Variants in XIST observed in about 807,000 individuals in gnomAD.
XIST encodes the protein X inactive specific transcript (non-protein coding).
chrX:73,822,040 G>A lies in XIST; in HGVS notation n.17861C>T. 2 of 558,317 alleles carry A rather than the reference G, an allele frequency of 3.6e-6. No individual in the cohort carries two copies. The highest frequency in any genetic ancestry group is 6.5e-6 in the Non-Finnish European group (2 of 309,044). The allele number at this position is 558,317 out of a possible 1,213,427, so 46.0% of individuals were successfully genotyped here. A position where few individuals can be genotyped will look rare whatever the true frequency, so the allele number is the denominator to read the frequency against. On this transcript the variant is annotated non_coding_transcript_exon_variant, in exon 6 of 6. Coordinates refer to ENST00000429829, the Ensembl canonical transcript of XIST. ...AGGCAGTGTATGTATGTGTCAGCATGTAAAAAGTAAAGAACTGAAAATAGA... is the reference window on the plus strand; with the variant it reads ...AGGCAGTGTATGTATGTGTCAGCATATAAAAAGTAAAGAACTGAAAATAGA...
exon 6 of XIST, chrX:73,820,729 G>A: frequency 1.8e-6 from 1 of 556,856 alleles, no homozygotes; most frequent in South Asian, 2.3e-5. Context: ...CATCTAGATG[G>A]CTTAAGATTA....
chrX:73,825,187 T>A, exon 6 of XIST: 1 of 552,393 alleles, frequency 1.8e-6, no homozygotes, highest in Admixed American at 2.3e-5. Flanking sequence ...TATTTTAAAG[T>A]TTAAAAGCAG....
At chrX:73,841,254 A>G in intron 1 of XIST, 3 of 406,288 alleles carry the variant, frequency 7.4e-6, no homozygotes, top group Non-Finnish European at 8.5e-6. Context: ...CTATATATAT[A>G]TATTGCAGAT....
intron 3 of XIST, among the ~76,000 whole-genome samples, chrX:73,831,634 A>AG (rs929546815): frequency 2.7e-5 from 3 of 111,381 alleles, no homozygotes; most frequent in African/African-American, 6.5e-5. Context: ...AAAATATAGT[A>AG]GGGGGGTCAA....
exon 1 of XIST, chrX:73,846,995 A>G (rs780170309): frequency 3.6e-6 from 2 of 559,320 alleles, no homozygotes; most frequent in Non-Finnish European, 6.5e-6. Flanking sequence ...CTCTGCTTTG[A>G]TAAGTACAGG....
chrX:73,832,890 T>C (rs184176158), intron 3 of XIST, among the ~76,000 whole-genome samples: 4 of 111,131 alleles, frequency 3.6e-5, no homozygotes, highest in African/African-American at 1.3e-4. Flanking sequence ...TCTGCTTTTC[T>C]TTCTTTTTAA....
At chrX:73,848,108 G>A (rs1922820658) in exon 1 of XIST, 1 of 558,860 alleles carries the variant, frequency 1.8e-6, no homozygotes, top group East Asian at 3.2e-5. Flanking sequence ...AAATGTCCTT[G>A]TGATTAGCAC....
chrX:73,841,205 T>C (rs1487374023), intron 1 of XIST: 1 of 336,436 alleles, frequency 3.0e-6, no homozygotes, highest in Non-Finnish European at 5.1e-6. Context: ...AACTCACATA[T>C]GTGTATTTAT....
exon 6 of XIST, chrX:73,821,038 G>C (rs1444197399): frequency 1.8e-6 from 1 of 558,992 alleles, no homozygotes; most frequent in South Asian, 2.2e-5. Flanking sequence ...AACTGTGAAA[G>C]GAAGGCTTTT....
chrX:73,836,121 T>C (rs182964061), intron 2 of XIST, among the ~76,000 whole-genome samples: 245 of 111,146 alleles, frequency 2.2e-3, no homozygotes, highest in African/African-American at 7.7e-3. Context: ...CCACCTCCAG[T>C]GTTCTCAGGG....
chrX:73,844,258 G>A (rs1232232960), exon 1 of XIST: 1 of 559,195 alleles, frequency 1.8e-6, no homozygotes, highest in Admixed American at 2.2e-5. Flanking sequence ...GATGAACCAT[G>A]TGGTGATTAC....
exon 6 of XIST, chrX:73,827,457 T>C (rs192417232): frequency 5.6e-5 from 30 of 537,655 alleles, no homozygotes; most frequent in South Asian, 5.4e-4. Flanking sequence ...AATACTGAAA[T>C]AGAAAATCAC....
At chrX:73,851,688 T>C in exon 1 of XIST, 3 of 558,890 alleles carry the variant, frequency 5.4e-6, no homozygotes, top group Non-Finnish European at 9.7e-6. Context: ...CCAAATCAAT[T>C]CATTCAGATA....
chrX:73,825,690 A>G lies in XIST; in HGVS notation n.14211T>C, dbSNP rs144003830. 18 of 513,376 alleles carry G rather than the reference A, an allele frequency of 3.5e-5. No homozygotes were observed. The East Asian group carries it at 3.6e-4, about 10-fold the overall frequency. 42.3% of individuals were successfully genotyped at this position (513,376 alleles called of 1,213,427 possible). A position where few individuals can be genotyped will look rare whatever the true frequency, so the allele number is the denominator to read the frequency against. ...ACAGAAACCATATGGCCCACAGTCT[A>G]AAGTATTTATGATTTGACCCCTTAC... On this transcript the variant is annotated non_coding_transcript_exon_variant, in exon 6 of 6. Transcript: ENST00000429829.
At chrX:73,850,623 C>A (rs1922896846) in exon 1 of XIST, 2 of 519,193 alleles carry the variant, frequency 3.9e-6, no homozygotes, top group South Asian at 2.5e-5. Flanking sequence ...ACCACCATGT[C>A]CACACCAAGC....
exon 6 of XIST, chrX:73,827,491 C>T (rs766405635): frequency 1.5e-5 from 8 of 534,644 alleles, no homozygotes; most frequent in Middle Eastern, 3.1e-4. Context: ...TGCTGAGGCA[C>T]GCAGGGGAGG....
chrX:73,845,906 C>A (rs1922745634), exon 1 of XIST: 1 of 555,159 alleles, frequency 1.8e-6, no homozygotes, highest in African/African-American at 2.3e-5. Context: ...AGAAAAGGGG[C>A]CTTGGTGATC....
intron 3 of XIST, chrX:73,833,180 G>C (rs1922418472): frequency 1.9e-6 from 1 of 533,422 alleles, no homozygotes; most frequent in Non-Finnish European, 3.4e-6. Context: ...AAAAAGGAGA[G>C]TTGTGGGAAG....
exon 1 of XIST, chrX:73,846,957 A>C (rs757179502): frequency 3.6e-6 from 2 of 559,344 alleles, no homozygotes; most frequent in Middle Eastern, 3.1e-4. Flanking sequence ...TACAGTTCGA[A>C]GAGAAGGGCT....
Sources: gnomAD v4.1 joint callset for allele counts (sites outside exome capture counted in the v4.1 genomes callset) on GRCh38, gnomAD v4.1.1 for gene constraint, MANE v1.5 for transcripts, NCBI Gene and HGNC (gene_info 2026-07-23, HGNC 2026-07-21) for gene names.